SLC39A11: variants seen among roughly 807,000 people sequenced by gnomAD.
SLC39A11 encodes zinc transporter ZIP11.
Under a neutral mutation model 36.1 loss-of-function variants are expected in SLC39A11, and 33 were observed. That is an observed-to-expected ratio of 0.91 (90% CI 0.69 to 1.22). The LOEUF (loss-of-function observed/expected upper bound fraction) is 1.22. Ranked by LOEUF, SLC39A11 falls within the 50% of genes most tolerant of loss-of-function variation. The pLI, the probability that SLC39A11 is intolerant of heterozygous loss-of-function variation, is 0.00. For missense variants in SLC39A11, 432 were observed against 430.3 expected (o/e 1.00, Z -0.03); for synonymous variants, 166 against 170.3 (o/e 0.97, Z 0.20).
At chr17:72,762,302 G>A (rs2075613530) in intron 6 of SLC39A11, among the ~76,000 whole-genome samples, 1 of 152,226 alleles carries the variant, frequency 6.6e-6, no homozygotes, top group Non-Finnish European at 1.5e-5. Flanking sequence ...GGTGACGAGA[G>A]TGACCTTTGG....
intron 5 of SLC39A11, among the ~76,000 whole-genome samples, chr17:72,855,079 A>C (rs548866691): frequency 1.3e-5 from 2 of 152,318 alleles, no homozygotes; most frequent in East Asian, 3.9e-4. Flanking sequence ...TCCTCTAGTG[A>C]ATGGCCCCAA....
chr17:73,090,196 A>C (rs2060879760), intron 1 of SLC39A11, among the ~76,000 whole-genome samples: 1 of 152,186 alleles, frequency 6.6e-6, no homozygotes, highest in African/African-American at 2.4e-5. Flanking sequence ...CAGAGTGTGG[A>C]CGCAGCCCTT....
intron 3 of SLC39A11, among the ~76,000 whole-genome samples, chr17:73,036,012 G>A (rs2058901172): frequency 6.6e-6 from 1 of 152,070 alleles, no homozygotes; most frequent in African/African-American, 2.4e-5. Context: ...GAAGGGAGGT[G>A]GCCCCAAGAT....
In SLC39A11 at chr17:72,717,020, CACACAT is replaced by C. The variant is rs1471132404; in HGVS notation, c.671+19624_671+19629del. ...ACACACACACACACACACACACACA[CACACAT>C]ATACACATATAAAATATATATACAC... On this transcript the variant is annotated intron_variant, in intron 7 of 9. Coordinates refer to ENST00000255559, the MANE Select transcript of SLC39A11 (RefSeq NM_139177.4). Among the ~76,000 whole-genome samples the C allele has an allele frequency of 3.5e-5, 5 of 144,086 alleles. 1 individual carries two copies. The highest frequency in any genetic ancestry group is 7.4e-3 in the Middle Eastern group (2 of 272). The allele number at this position is 144,086 out of a possible 152,430, so 94.5% of individuals were successfully genotyped here.
intron 7 of SLC39A11, among the ~76,000 whole-genome samples, chr17:72,667,796 C>A (rs1218697024): frequency 6.6e-6 from 1 of 152,248 alleles, no homozygotes; most frequent in Non-Finnish European, 1.5e-5. Context: ...GTTCATGCAT[C>A]TTCTCATTTT....
At chr17:73,012,412 C>T (rs1268379860) in intron 4 of SLC39A11, among the ~76,000 whole-genome samples, 1 of 152,170 alleles carries the variant, frequency 6.6e-6, no homozygotes, top group African/African-American at 2.4e-5. Flanking sequence ...GCCCCATATA[C>T]ACCTACTACG....
chr17:72,659,143 C>G (rs896962864), intron 7 of SLC39A11, among the ~76,000 whole-genome samples: 2 of 152,208 alleles, frequency 1.3e-5, no homozygotes, highest in Non-Finnish European at 2.9e-5. Flanking sequence ...TGCAAGAGCT[C>G]ATGCCACATA....
At chr17:73,058,886 C>T (rs1010190479) in intron 3 of SLC39A11, among the ~76,000 whole-genome samples, 26 of 152,132 alleles carry the variant, frequency 1.7e-4, no homozygotes, top group African/African-American at 5.8e-4. Flanking sequence ...CAAAGCAACA[C>T]ATTTTGGGGT....
chr17:72,761,905 T>G (rs1249082748), intron 6 of SLC39A11, among the ~76,000 whole-genome samples: 1 of 152,158 alleles, frequency 6.6e-6, no homozygotes, highest in Non-Finnish European at 1.5e-5. Context: ...GAGGAAAGAA[T>G]ACAGGGAATC....
At chr17:72,689,912 G>A (rs1391356661) in intron 7 of SLC39A11, among the ~76,000 whole-genome samples, 1 of 152,194 alleles carries the variant, frequency 6.6e-6, no homozygotes, top group African/African-American at 2.4e-5. Flanking sequence ...CCAATAAATG[G>A]TTCACTTCCA....
intron 4 of SLC39A11, among the ~76,000 whole-genome samples, chr17:73,013,163 C>T (rs1358163179): frequency 6.6e-6 from 1 of 152,090 alleles, no homozygotes; most frequent in East Asian, 1.9e-4. Flanking sequence ...ACAATCTCGG[C>T]TCACTGCAAT....
chr17:72,763,309 C>T (rs1168164443), intron 6 of SLC39A11, among the ~76,000 whole-genome samples: 3 of 152,190 alleles, frequency 2.0e-5, no homozygotes, highest in Non-Finnish European at 4.4e-5. Flanking sequence ...AAAATTGCTG[C>T]TATTTAACAA....
At chr17:72,807,340 G>GTATT (rs1418521255) in intron 6 of SLC39A11, among the ~76,000 whole-genome samples, 1 of 152,174 alleles carries the variant, frequency 6.6e-6, no homozygotes, top group Non-Finnish European at 1.5e-5. Flanking sequence ...TTTTGTCTTT[G>GTATT]TGTCTGGTGG....
intron 7 of SLC39A11, among the ~76,000 whole-genome samples, chr17:72,719,287 C>T (rs531295071): frequency 6.6e-6 from 1 of 152,226 alleles, no homozygotes; most frequent in South Asian, 2.1e-4. Context: ...AGAATGACCT[C>T]TGAGCATTTC....
intron 4 of SLC39A11, among the ~76,000 whole-genome samples, chr17:73,017,943 C>T (rs1042225646): frequency 3.9e-5 from 6 of 152,068 alleles, no homozygotes; most frequent in Admixed American, 2.6e-4. Context: ...GTGAGATGAA[C>T]GGAGATTCCA....
chr17:72,719,953 T>C (rs2073585852), intron 7 of SLC39A11, among the ~76,000 whole-genome samples: 1 of 152,036 alleles, frequency 6.6e-6, no homozygotes, highest in Non-Finnish European at 1.5e-5. Flanking sequence ...AGGTGACTTG[T>C]GTGGTTAGAT....
chr17:72,775,999 T>C (rs2076118886), intron 6 of SLC39A11, among the ~76,000 whole-genome samples: 1 of 152,230 alleles, frequency 6.6e-6, no homozygotes, highest in African/African-American at 2.4e-5. Flanking sequence ...ACAGATCCCA[T>C]AGAGCCTGCC....
intron 6 of SLC39A11, among the ~76,000 whole-genome samples, chr17:72,793,628 C>CTATGTTACCCA (rs1568102774): frequency 6.6e-6 from 1 of 152,104 alleles, no homozygotes; most frequent in Non-Finnish European, 1.5e-5. Context: ...TGGGGTCTCG[C>CTATGTTACCCA]TATGTTACCC....
At chr17:72,956,061 C>T (rs758600557) in intron 4 of SLC39A11, among the ~76,000 whole-genome samples, 1 of 152,136 alleles carries the variant, frequency 6.6e-6, no homozygotes, top group Non-Finnish European at 1.5e-5. Flanking sequence ...CAGAGTGGGA[C>T]AGCCTAGCTC....
Sources: allele counts gnomAD v4.1 joint callset (sites outside exome capture counted in the v4.1 genomes callset), GRCh38; gene constraint gnomAD v4.1.1; transcripts MANE v1.5; gene names NCBI Gene and HGNC (gene_info 2026-07-23, HGNC 2026-07-21).